Variants in IGDCC3 observed in about 807,000 individuals in gnomAD.
IGDCC3 encodes putative neuronal cell adhesion molecule.
IGDCC3 carries 47 observed loss-of-function variants against 72.0 expected under a neutral mutation model. That is an observed-to-expected ratio of 0.65 (90% confidence interval 0.52 to 0.83). The LOEUF is 0.83. IGDCC3 is among the 40% of genes least tolerant of loss of function. The pLI is 0.00. For missense variants in IGDCC3, 1,038 were observed against 1,091.3 expected (o/e 0.95, Z 0.69); for synonymous variants, 477 against 472.8 (o/e 1.01, Z -0.11).
At chr15:65,350,223 C>A (rs926271556) in intron 2 of IGDCC3, among the ~76,000 whole-genome samples, 1 of 151,110 alleles carries the variant, frequency 6.6e-6, no homozygotes, top group African/African-American at 2.4e-5. Context: ...CCTCCACCTC[C>A]CAGGTTCAGC....
chr15:65,335,700 G>A, intron 3 of IGDCC3, 112 bp downstream of exon 3: 1 of 1,238,200 alleles, frequency 8.1e-7, no homozygotes. Flanking sequence ...CACTATCTCA[G>A]GCACCTGTGG....
At position 65,331,458 on chromosome 15, in the gene IGDCC3, G is replaced by A; in HGVS notation, c.1350C>T (p.Asn450=). ...VRVSWSEPLA[N]TKEIIGYVLH... is the part of the protein sequence containing the mutation. ...GGACGTAGCCGATGATCTCCTTGGT[G>A]TTGGCCAGCGGCTCACTCCAGGACA... The change falls in exon 8 of 14, where the codon AAC becomes AAT. Residue 450 remains asparagine, a synonymous_variant. Coordinates refer to ENST00000327987, the MANE Select transcript of IGDCC3 (RefSeq NM_004884.4). 1.2e-6 allele frequency: 2 copies of A among 1,613,094 alleles called. No individual in the cohort carries two copies. Among genetic ancestry groups the A allele is most frequent in the Non-Finnish European group, 8.5e-7 (1 of 1,179,622 alleles).
intron 3 of IGDCC3, 99 bp downstream of exon 3, chr15:65,335,713 A>G: frequency 1.4e-6 from 2 of 1,385,386 alleles, no homozygotes; most frequent in Non-Finnish European, 1.0e-6. Flanking sequence ...ACCTGTGGGC[A>G]CCAACTGCAG....
At position 65,327,888 on chromosome 15, in the gene IGDCC3, C is replaced by T. The variant is rs2090933490; in HGVS notation, c.*1021G>A. The T allele has an allele frequency of 6.6e-6, 1 of 152,650 alleles. No homozygotes were observed. The highest frequency in any genetic ancestry group is 1.5e-5 in the Non-Finnish European group (1 of 68,128). 9.5% of individuals were successfully genotyped at this position (152,650 alleles called of 1,614,324 possible). On this transcript the variant is annotated 3_prime_UTR_variant, in exon 14 of 14. Coordinates refer to ENST00000327987, the MANE Select transcript of IGDCC3 (RefSeq NM_004884.4). ...CAGGAGGCAGGCGGCCAGCTGATGC[C>T]ACCCTCCCAAGCCCAGGTTCCTCAT...
intron 2 of IGDCC3, among the ~76,000 whole-genome samples, chr15:65,361,769 G>C (rs930329784): frequency 6.6e-6 from 1 of 152,376 alleles, no homozygotes; most frequent in East Asian, 1.9e-4. Flanking sequence ...CAACCATGCA[G>C]CGCGGCGCTA....
intron 2 of IGDCC3, among the ~76,000 whole-genome samples, chr15:65,354,850 T>C (rs2091202675): frequency 1.3e-5 from 2 of 152,204 alleles, no homozygotes; most frequent in Non-Finnish European, 2.9e-5. Flanking sequence ...GCTAGGCCCC[T>C]GGCTCTCAAA....
intron 2 of IGDCC3, among the ~76,000 whole-genome samples, chr15:65,357,077 C>G (rs972581105): frequency 2.0e-5 from 3 of 151,866 alleles, no homozygotes; most frequent in Non-Finnish European, 4.4e-5. Flanking sequence ...GTCTCGAACT[C>G]CTGACCTTAG....
intron 2 of IGDCC3, among the ~76,000 whole-genome samples, chr15:65,366,649 T>C (rs1266159551): frequency 6.6e-6 from 1 of 152,072 alleles, no homozygotes; most frequent in Non-Finnish European, 1.5e-5. Context: ...GCATCACATT[T>C]CCTTCCTGCC....
chr15:65,334,755 G>A lies in IGDCC3; in HGVS notation c.796C>T (p.Arg266Cys), dbSNP rs775447633. ...VLECVATGNP[R>C]PIVSWSRLDG... The stretch of plus-strand genomic sequence containing the variant: ...AGGCGGCTCCAGGACACAATGGGGC[G>A]CGGGTTGCCCGTGGCGACACACTCA... Residue 266 changes from arginine to cysteine, a missense_variant, in exon 5 of 14, where the codon CGC (arginine) becomes TGC (cysteine). Coordinates refer to ENST00000327987, the MANE Select transcript of IGDCC3 (RefSeq NM_004884.4). The A allele has an allele frequency of 1.5e-5, 24 of 1,593,938 alleles. No individual in the cohort carries two copies. The highest frequency in any genetic ancestry group is 3.5e-5 in the Admixed American group (2 of 57,370).
At chr15:65,371,420 A>G (rs1437010953) in intron 2 of IGDCC3, among the ~76,000 whole-genome samples, 2 of 152,162 alleles carry the variant, frequency 1.3e-5, no homozygotes, top group Admixed American at 1.3e-4. Flanking sequence ...CCTTGTTCCA[A>G]AGGCTTCACT....
intron 6 of IGDCC3, 56 bp downstream of exon 6, chr15:65,333,200 GA>G: frequency 1.3e-6 from 2 of 1,486,506 alleles, no homozygotes. Context: ...CCTGGGCTGG[GA>G]GGAAGGGACT....
At chr15:65,372,699 G>GT (rs1450453258) in intron 2 of IGDCC3, among the ~76,000 whole-genome samples, 1 of 152,176 alleles carries the variant, frequency 6.6e-6, no homozygotes, top group African/African-American at 2.4e-5. Flanking sequence ...AGAAGCAGGG[G>GT]CCTCCAGAGG....
rs181466802 is a variant in IGDCC3, at chr15:65,344,159, T to C, written c.410-8203A>G. Among the ~76,000 whole-genome samples, 297 of 152,286 alleles carry C rather than the reference T, an allele frequency of 2.0e-3. 1 individual carries two copies. Among genetic ancestry groups the C allele is most frequent in the African/African-American group, 6.9e-3 (288 of 41,556 alleles). On this transcript the variant is annotated intron_variant, in intron 2 of 13. Transcript: ENST00000327987. The stretch of plus-strand genomic sequence containing the variant: ...TGAGAAGCGGGGAGGCTGTGTGGCA[T>C]CTGGGTGTTGGAGTGGGTGGGAGTG...
Position 65,327,877 on chromosome 15 carries a change from C to T in IGDCC3, c.*1032G>A. On this transcript the variant is annotated 3_prime_UTR_variant, in exon 14 of 14. Coordinates refer to ENST00000327987, the MANE Select transcript of IGDCC3 (RefSeq NM_004884.4). ...GGCCTGCAGGACAGGAGGCAGGCGG[C>T]CAGCTGATGCCACCCTCCCAAGCCC... 6.5e-6 allele frequency: 1 copy of T among 152,754 alleles called. No homozygotes were observed. Among genetic ancestry groups the T allele is most frequent in the Non-Finnish European group, 1.5e-5 (1 of 68,118 alleles). The allele number at this position is 152,754 out of a possible 1,614,324, so 9.5% of individuals were successfully genotyped here. A position where few individuals can be genotyped will look rare whatever the true frequency, so the allele number is the denominator to read the frequency against.
intron 2 of IGDCC3, among the ~76,000 whole-genome samples, chr15:65,345,738 A>G (rs1280032494): frequency 2.6e-5 from 4 of 152,208 alleles, no homozygotes; most frequent in African/African-American, 9.7e-5. Context: ...AAGACCTGCA[A>G]AGGCCATCAA....
At chr15:65,360,969 G>A (rs1453000995) in intron 2 of IGDCC3, among the ~76,000 whole-genome samples, 1 of 152,120 alleles carries the variant, frequency 6.6e-6, no homozygotes, top group Non-Finnish European at 1.5e-5. Context: ...TAGAAATGGG[G>A]TTTCACTATG....
chr15:65,337,190 A>G (rs1267599958), intron 2 of IGDCC3, among the ~76,000 whole-genome samples: 2 of 152,144 alleles, frequency 1.3e-5, no homozygotes, highest in Non-Finnish European at 2.9e-5. Flanking sequence ...TTCCACCCAG[A>G]GTCTCTGGGG....
intron 2 of IGDCC3, among the ~76,000 whole-genome samples, chr15:65,336,888 G>A (rs1434812713): frequency 6.6e-6 from 1 of 152,108 alleles, no homozygotes; most frequent in Non-Finnish European, 1.5e-5. Flanking sequence ...CACCAGGGCT[G>A]CGATTTCATT....
intron 2 of IGDCC3, among the ~76,000 whole-genome samples, chr15:65,359,220 A>G (rs914514222): frequency 6.6e-6 from 1 of 152,216 alleles, no homozygotes; most frequent in Non-Finnish European, 1.5e-5. Context: ...GAACATAATG[A>G]GTATAATAAT....
Sources: gnomAD v4.1 joint callset for allele counts (sites outside exome capture counted in the v4.1 genomes callset) on GRCh38, gnomAD v4.1.1 for gene constraint, MANE v1.5 for transcripts, NCBI Gene and HGNC (gene_info 2026-07-23, HGNC 2026-07-21) for gene names.